The following ENPP2 variants were observed in gnomAD, a reference collection of about 807,000 sequenced individuals.
ENPP2 encodes the protein autotaxin.
A neutral mutation model predicts 120.2 loss-of-function variants in ENPP2; 51 were observed. The observed-to-expected ratio is 0.42, with a 90% CI of 0.34 to 0.54. The LOEUF (loss-of-function observed/expected upper bound fraction) is 0.54. ENPP2 is among the 20% of genes least tolerant of loss of function. The pLI is 0.04. For synonymous variants in ENPP2, 365 were observed against 366.4 expected, an observed-to-expected ratio of 1.00 and a Z score of 0.04; for missense variants, 920 against 1,066.5, an observed-to-expected ratio of 0.86 and a Z score of 1.91.
intron 1 of ENPP2, among the ~76,000 whole-genome samples, chr8:119,653,032 AT>A (rs1817669040): frequency 6.6e-6 from 1 of 152,132 alleles, no homozygotes; most frequent in South Asian, 2.1e-4. Context: ...AAATGACTTC[AT>A]TTTATCCTAG....
chr8:119,576,540 C>T (rs910877277), intron 19 of ENPP2, among the ~76,000 whole-genome samples: 2 of 152,086 alleles, frequency 1.3e-5, no homozygotes, highest in African/African-American at 4.8e-5. Flanking sequence ...TCCTTTTTCA[C>T]AAAGATGATG....
chr8:119,655,143 T>G (rs1487986850), intron 1 of ENPP2, among the ~76,000 whole-genome samples: 2 of 152,130 alleles, frequency 1.3e-5, no homozygotes, highest in Non-Finnish European at 2.9e-5. Flanking sequence ...AGAAACACAT[T>G]TCACAAAATC....
chr8:119,625,458 A>G (rs549535018), intron 3 of ENPP2, among the ~76,000 whole-genome samples: 1 of 152,358 alleles, frequency 6.6e-6, no homozygotes, highest in South Asian at 2.1e-4. Flanking sequence ...GTTGGATTTC[A>G]TATAAATCAA....
intron 5 of ENPP2, chr8:119,618,550 CTTT>C (rs57251299): frequency 7.1e-5 from 20 of 280,038 alleles, no homozygotes; most frequent in South Asian, 1.6e-4. Context: ...CCTTGGATGC[CTTT>C]TTTTTTTTTA....
intron 9 of ENPP2, among the ~76,000 whole-genome samples, 190 bp from the exon 10 acceptor site, chr8:119,601,652 G>A (rs777330995): frequency 2.0e-5 from 3 of 151,936 alleles, no homozygotes; most frequent in Non-Finnish European, 4.4e-5. Flanking sequence ...AACATATTAC[G>A]TTGCTCAACC....
intron 1 of ENPP2, among the ~76,000 whole-genome samples, chr8:119,665,311 G>C (rs1818037749): frequency 6.6e-6 from 1 of 152,152 alleles, no homozygotes; most frequent in African/African-American, 2.4e-5. Flanking sequence ...CTTCTCCTCA[G>C]ATAAAAATAT....
intron 20 of ENPP2, 36 bp from the exon 21 acceptor site, chr8:119,569,406 G>A: frequency 2.5e-6 from 4 of 1,608,584 alleles, no homozygotes; most frequent in Non-Finnish European, 3.4e-6. Context: ...CAATGCCGTG[G>A]CTCTGTTACG....
rs778493035 is a variant in ENPP2 at position 119,600,749 on chromosome 8, G to C, written c.901C>G (p.Pro301Ala). The C allele has an allele frequency of 6.2e-7, 1 of 1,600,410 alleles. No individual in the cohort carries two copies. Among genetic ancestry groups the C allele is most frequent in the Non-Finnish European group, 8.6e-7 (1 of 1,167,806 alleles). The change falls in exon 11 of 25, where the codon CCT (proline) becomes GCT (alanine). Residue 301 changes from proline (P) to alanine (A), a missense_variant and splice_region_variant. Transcript: ENST00000075322. ...TCAGAATAGAAGGCATAGACCGAAG[G>C]CCTATAAGAAAATTGGAAGGTTCAG... ...QWLTLPDHERPSVYAFYSEQP... is the reference protein window; with the variant it reads ...QWLTLPDHERASVYAFYSEQP...
chr8:119,604,164 A>T (rs978822087), intron 9 of ENPP2, among the ~76,000 whole-genome samples: 8 of 152,016 alleles, frequency 5.3e-5, no homozygotes. Context: ...AGTAGCTGGG[A>T]TTAAAGGTGC....
chr8:119,626,538 G>A, intron 3 of ENPP2, 27 bp downstream of exon 3: 2 of 1,599,158 alleles, frequency 1.3e-6, no homozygotes, highest in South Asian at 2.2e-5. Context: ...TCTACTTGAA[G>A]GTAGAGAGGA....
intron 1 of ENPP2, among the ~76,000 whole-genome samples, chr8:119,645,934 G>C (rs561973819): frequency 6.6e-6 from 1 of 151,542 alleles, no homozygotes; most frequent in East Asian, 1.9e-4. Context: ...TACCCAGAAA[G>C]CCCTAAACAA....
chr8:119,566,363 C>T (rs923936676), intron 22 of ENPP2, among the ~76,000 whole-genome samples: 1 of 152,168 alleles, frequency 6.6e-6, no homozygotes, highest in Non-Finnish European at 1.5e-5. Flanking sequence ...GTTAACCCCT[C>T]TTCCCTCCCC....
intron 1 of ENPP2, among the ~76,000 whole-genome samples, chr8:119,669,298 T>C (rs1242830873): frequency 6.6e-6 from 1 of 152,230 alleles, no homozygotes; most frequent in African/African-American, 2.4e-5. Flanking sequence ...ATCTGTGCCT[T>C]CCTGAAATCA....
chr8:119,663,033 C>G (rs541746889), intron 1 of ENPP2, among the ~76,000 whole-genome samples: 1 of 150,860 alleles, frequency 6.6e-6, no homozygotes, highest in Non-Finnish European at 1.5e-5. Flanking sequence ...AGGAGAATCA[C>G]TTGAACCTGG....
At chr8:119,579,619 G>T (rs1030992646) in intron 19 of ENPP2, among the ~76,000 whole-genome samples, 6 of 151,276 alleles carry the variant, frequency 4.0e-5, no homozygotes, top group Non-Finnish European at 7.4e-5. Flanking sequence ...ATACGTGCTC[G>T]TTATCATTGT....
rs547833116 is a variant in ENPP2, at chr8:119,560,017, A to T, written c.2422-2326T>A. Among the ~76,000 whole-genome samples the T allele has an allele frequency of 2.6e-5, 4 of 152,298 alleles. No homozygotes were observed. The South Asian group carries it at 8.3e-4, about 32-fold the overall frequency. On this transcript the variant is annotated intron_variant, in intron 24 of 24. Transcript: ENST00000075322. Reference sequence around the variant, plus strand: ...ACCTGTAAGGACTTCAGTGGATTTCATTTATCAGATATAAAATTTAGATCG... The same window carrying T: ...ACCTGTAAGGACTTCAGTGGATTTCTTTTATCAGATATAAAATTTAGATCG...
chr8:119,591,798 C>A (rs749420365), intron 12 of ENPP2, among the ~76,000 whole-genome samples: 42 of 152,116 alleles, frequency 2.8e-4, no homozygotes, highest in Non-Finnish European at 5.9e-4. Flanking sequence ...AACAGTTAAA[C>A]CCTTAGGAAG....
intron 1 of ENPP2, among the ~76,000 whole-genome samples, chr8:119,654,980 T>C (rs1435315256): frequency 6.6e-6 from 1 of 152,116 alleles, no homozygotes; most frequent in Admixed American, 6.6e-5. Context: ...CCTGGATAAA[T>C]CAAAAGGAAA....
At chr8:119,660,542 A>G (rs964837937) in intron 1 of ENPP2, among the ~76,000 whole-genome samples, 1 of 152,232 alleles carries the variant, frequency 6.6e-6, no homozygotes, top group African/African-American at 2.4e-5. Flanking sequence ...CAAAGGTAAC[A>G]AACAACCAGC....
Sources: allele counts gnomAD v4.1 joint callset (sites outside exome capture counted in the v4.1 genomes callset), GRCh38; gene constraint gnomAD v4.1.1; transcripts MANE v1.5; gene names NCBI Gene and HGNC (gene_info 2026-07-23, HGNC 2026-07-21).